The following CNTN4 variants were observed in gnomAD, a reference collection of about 807,000 sequenced individuals.
CNTN4 encodes contactin-4.
Under a neutral mutation model 122.5 loss-of-function variants are expected in CNTN4, and 77 were observed. The observed-to-expected ratio is 0.63, with a 90% CI of 0.52 to 0.76. The LOEUF (loss-of-function observed/expected upper bound fraction) is 0.76. Ranked by LOEUF, CNTN4 falls within the 30% of genes least tolerant of loss-of-function variation. The pLI is 0.00. For missense variants in CNTN4, 1,256 were observed against 1,259.1 expected, an observed-to-expected ratio of 1.00 and a Z score of 0.04; for synonymous variants, 512 against 447.0, an observed-to-expected ratio of 1.15 and a Z score of -1.83.
intron 10 of CNTN4, among the ~76,000 whole-genome samples, chr3:2,895,447 TA>T (rs1248031208): frequency 6.6e-6 from 1 of 152,244 alleles, no homozygotes; most frequent in Non-Finnish European, 1.5e-5. Flanking sequence ...GAATACCTAT[TA>T]ATAGAAATAT....
rs550440695 is a variant in CNTN4, at chr3:2,567,600, G to T, written c.-88-3816G>T. Among the ~76,000 whole-genome samples the T allele has an allele frequency of 1.4e-3, 207 of 152,256 alleles. 1 individual carries two copies. The highest frequency in any genetic ancestry group is 4.9e-3 in the African/African-American group (202 of 41,576). ...ACTAATCCTTACCATAAGTTTGGCA[G>T]ATAGATATCTTGCTGCTCTTTTATA... On this transcript the variant is annotated intron_variant, in intron 3 of 24. Coordinates refer to ENST00000418658, the MANE Select transcript of CNTN4 (RefSeq NM_175607.3).
chr3:2,614,378 A>G (rs958089606), intron 4 of CNTN4, among the ~76,000 whole-genome samples: 1 of 152,216 alleles, frequency 6.6e-6, no homozygotes, highest in African/African-American at 2.4e-5. Context: ...GATTCTGAAT[A>G]TAATGGCAAG....
chr3:2,304,666 A>C (rs916332102), intron 2 of CNTN4, among the ~76,000 whole-genome samples: 9 of 151,942 alleles, frequency 5.9e-5, no homozygotes, highest in Non-Finnish European at 1.0e-4. Context: ...CTGACCCAAC[A>C]ATAATGTGTC....
chr3:2,301,214 T>G (rs1193920906), intron 2 of CNTN4, among the ~76,000 whole-genome samples: 1 of 152,180 alleles, frequency 6.6e-6, no homozygotes, highest in African/African-American at 2.4e-5. Flanking sequence ...AGAAAAAACT[T>G]TGTTAGCACA....
chr3:2,647,766 T>G (rs1036962268), intron 4 of CNTN4, among the ~76,000 whole-genome samples: 1 of 152,186 alleles, frequency 6.6e-6, no homozygotes, highest in Non-Finnish European at 1.5e-5. Flanking sequence ...TTTTGTAAAT[T>G]CTAAATTGCT....
chr3:3,039,789 G>T, intron 19 of CNTN4: 1 of 496,102 alleles, frequency 2.0e-6, no homozygotes, highest in East Asian at 3.8e-5. Flanking sequence ...TTTCAGAGCT[G>T]GGTCTGCCCC....
intron 6 of CNTN4, among the ~76,000 whole-genome samples, chr3:2,784,154 T>G (rs2091716707): frequency 6.6e-6 from 1 of 152,166 alleles, no homozygotes; most frequent in African/African-American, 2.4e-5. Context: ...TACTATTCTT[T>G]CAGGAATGAG....
At position 3,040,079 on chromosome 3, in the gene CNTN4, G is replaced by A. The variant is rs1402750928; in HGVS notation, c.2206G>A (p.Val736Met). ...ACAGAATGGTCGAGGCTTTGGTTAT[G>A]TGGTGGCCTTCCGGCCCTACGGTAA... The part of the protein sequence containing the change: ...ELQNGRGFGY[V>M]VAFRPYGKMI... The change falls in exon 20 of 25, where the codon GTG becomes ATG. Residue 736 changes from valine (V) to methionine (M), a missense_variant. By Grantham distance (21) the Val-to-Met change is conservative. Coordinates refer to ENST00000418658, the MANE Select transcript of CNTN4 (RefSeq NM_175607.3). 2 of 1,614,202 alleles carry A rather than the reference G, an allele frequency of 1.2e-6. No homozygotes were observed. The highest frequency in any genetic ancestry group is 2.2e-5 in the South Asian group (2 of 91,088).
intron 4 of CNTN4, among the ~76,000 whole-genome samples, chr3:2,609,134 C>T (rs1559299868): frequency 6.6e-6 from 1 of 152,162 alleles, no homozygotes; most frequent in Non-Finnish European, 1.5e-5. Context: ...ATAGATATTG[C>T]TGTGGTTTCA....
Position 2,320,614 on chromosome 3 carries a change from T to C in CNTN4, c.-144-18564T>C, listed in dbSNP as rs537326273. Among the ~76,000 whole-genome samples the C allele has an allele frequency of 3.3e-5, 5 of 152,246 alleles. 1 individual carries two copies. The highest frequency in any genetic ancestry group is 1.2e-4 in the African/African-American group (5 of 41,560). On this transcript the variant is annotated intron_variant, in intron 2 of 24. Coordinates refer to ENST00000418658, the MANE Select transcript of CNTN4 (RefSeq NM_175607.3). The stretch of plus-strand genomic sequence containing the variant: ...ATTTTCTATAAGACATCAGTCAGTA[T>C]CCCATTTTAATTTACCATTTTCATG...
intron 12 of CNTN4, among the ~76,000 whole-genome samples, chr3:2,910,719 AT>A (rs905078619): frequency 1.3e-5 from 2 of 152,148 alleles, no homozygotes; most frequent in African/African-American, 2.4e-5. Flanking sequence ...TGAAGTAACT[AT>A]TTTTCCCCCT....
chr3:2,472,234 G>A (rs1429134779), intron 3 of CNTN4, among the ~76,000 whole-genome samples: 1 of 151,370 alleles, frequency 6.6e-6, no homozygotes, highest in Non-Finnish European at 1.5e-5. Context: ...TGTTGTTGTT[G>A]TTGTTTGTTC....
chr3:2,234,317 G>T (rs1389904220), intron 2 of CNTN4, among the ~76,000 whole-genome samples: 1 of 139,920 alleles, frequency 7.1e-6, no homozygotes, highest in Non-Finnish European at 1.5e-5. Context: ...GGAGGAGGTT[G>T]CAGTGAGAAA....
chr3:2,108,497 G>A (rs2032653021), intron 2 of CNTN4, among the ~76,000 whole-genome samples: 1 of 152,096 alleles, frequency 6.6e-6, no homozygotes, highest in East Asian at 1.9e-4. Context: ...TTGTTGCCTT[G>A]CCTTCTACAT....
At chr3:3,020,519 A>G (rs908948759) in intron 14 of CNTN4, among the ~76,000 whole-genome samples, 4 of 152,202 alleles carry the variant, frequency 2.6e-5, no homozygotes, top group African/African-American at 9.7e-5. Flanking sequence ...TCTTCAAGAC[A>G]GTAGGCTTTT....
chr3:2,106,059 T>C (rs2032413653), intron 2 of CNTN4, among the ~76,000 whole-genome samples: 1 of 152,194 alleles, frequency 6.6e-6, no homozygotes, highest in African/African-American at 2.4e-5. Context: ...TCTTTAACTC[T>C]ATGTCTCAAG....
At chr3:2,917,739 A>G (rs2094384789) in intron 12 of CNTN4, among the ~76,000 whole-genome samples, 2 of 152,228 alleles carry the variant, frequency 1.3e-5, no homozygotes, top group South Asian at 2.1e-4. Flanking sequence ...TTCTTAAGCC[A>G]TCACAGCAGA....
At chr3:2,953,705 A>G (rs2094770066) in intron 13 of CNTN4, among the ~76,000 whole-genome samples, 1 of 152,170 alleles carries the variant, frequency 6.6e-6, no homozygotes, top group Non-Finnish European at 1.5e-5. Context: ...AATCTATCCT[A>G]GGCAAAAATG....
At chr3:2,372,740 AG>A (rs2045677660) in intron 3 of CNTN4, among the ~76,000 whole-genome samples, 1 of 152,070 alleles carries the variant, frequency 6.6e-6, no homozygotes, top group Non-Finnish European at 1.5e-5. Flanking sequence ...ATCTAGTGGT[AG>A]GTGGGCTGTA....
Sources: gnomAD v4.1 joint callset for allele counts (sites outside exome capture counted in the v4.1 genomes callset) on GRCh38, gnomAD v4.1.1 for gene constraint, MANE v1.5 for transcripts, NCBI Gene and HGNC (gene_info 2026-07-23, HGNC 2026-07-21) for gene names.